The following ICE1 variants were observed in gnomAD, a reference collection of about 807,000 sequenced individuals.
ICE1 encodes interactor of little elongation complex ELL subunit 1.
In ICE1, 64 loss-of-function variants were observed where a neutral mutation model predicts 192.7. That is an observed-to-expected ratio of 0.33 (90% CI 0.27 to 0.41). ICE1 has a LOEUF of 0.41. ICE1 is among the 10% of genes least tolerant of loss of function. ICE1 has a pLI of 1.00. For missense variants in ICE1, 2,708 were observed against 2,696.0 expected (o/e 1.00, Z -0.10); for synonymous variants, 1,010 against 984.5 (o/e 1.03, Z -0.49).
At chr5:5,479,789 A>G (rs1258970933) in intron 17 of ICE1, among the ~76,000 whole-genome samples, 1 of 152,204 alleles carries the variant, frequency 6.6e-6, no homozygotes, top group African/African-American at 2.4e-5. Flanking sequence ...TGTCCTTTGC[A>G]GGGACATGGA....
chr5:5,488,679 A>T (rs1212484503), intron 18 of ICE1, among the ~76,000 whole-genome samples: 3 of 152,220 alleles, frequency 2.0e-5, no homozygotes, highest in Non-Finnish European at 4.4e-5. Context: ...GGTACGCTAC[A>T]AAAAGTTTTT....
chr5:5,441,940 G>T lies in ICE1; in HGVS notation c.309+717G>T, dbSNP rs148378952. On this transcript the variant is annotated intron_variant, in intron 5 of 18. Coordinates refer to ENST00000296564, the MANE Select transcript of ICE1 (RefSeq NM_015325.3). ...TTTTATAAGTAAGCGTTCAGGTTAG[G>T]GGTTATTTCTTTTAGGGCATGTTCG... Among the ~76,000 whole-genome samples, 27 of 152,240 alleles carry T rather than the reference G, an allele frequency of 1.8e-4. 1 individual carries two copies. Among genetic ancestry groups the T allele is most frequent in the African/African-American group, 6.5e-4 (27 of 41,534 alleles).
intron 1 of ICE1, among the ~76,000 whole-genome samples, chr5:5,424,161 A>G (rs1250144082): frequency 6.6e-6 from 1 of 152,172 alleles, no homozygotes; most frequent in Admixed American, 6.5e-5. Flanking sequence ...GTGCACACGG[A>G]AGATGGTTGA....
chr5:5,483,721 T>C (rs1421724762), intron 17 of ICE1, among the ~76,000 whole-genome samples: 3 of 152,208 alleles, frequency 2.0e-5, no homozygotes, highest in African/African-American at 7.2e-5. Context: ...AAAGAGCTTA[T>C]AAAATCCTGA....
rs1384924334 is a variant in ICE1 at position 5,422,699 on chromosome 5, C to G, written c.-217C>G. On this transcript the variant is annotated 5_prime_UTR_variant, in exon 1 of 19. Coordinates refer to ENST00000296564, the MANE Select transcript of ICE1 (RefSeq NM_015325.3). ...ACTGGACTGCGTCGCGCTCGGGGGC[C>G]GCGCCGGGTAGCGTTTCTTTTTAGT... is the stretch of plus-strand genomic sequence containing the variant. 5.8e-6 allele frequency: 2 copies of G among 343,426 alleles called. No homozygotes were observed. Among genetic ancestry groups the G allele is most frequent in the Admixed American group, 9.6e-5 (2 of 20,748 alleles). 21.3% of individuals were successfully genotyped at this position (343,426 alleles called of 1,614,324 possible). A position where few individuals can be genotyped will look rare whatever the true frequency, so the allele number is the denominator to read the frequency against.
chr5:5,431,385 G>T (rs1737705874), intron 1 of ICE1, among the ~76,000 whole-genome samples: 1 of 151,954 alleles, frequency 6.6e-6, no homozygotes, highest in Non-Finnish European at 1.5e-5. Context: ...CGAGCTTTGG[G>T]GCCTACTGTC....
chr5:5,468,524 A>G (rs1739058821), intron 14 of ICE1, among the ~76,000 whole-genome samples: 1 of 152,282 alleles, frequency 6.6e-6, no homozygotes, highest in African/African-American at 2.4e-5. Context: ...TTCAATGAGT[A>G]AATGTAATGC....
At chr5:5,434,901 G>A (rs1737825045) in intron 1 of ICE1, among the ~76,000 whole-genome samples, 2 of 152,120 alleles carry the variant, frequency 1.3e-5, no homozygotes. Flanking sequence ...GGTGGAATAC[G>A]TTTTTTAAAA....
At chr5:5,485,025 A>G (rs1320677242) in intron 17 of ICE1, among the ~76,000 whole-genome samples, 2 of 151,924 alleles carry the variant, frequency 1.3e-5, no homozygotes, top group Non-Finnish European at 2.9e-5. Flanking sequence ...GAAGGCTGCG[A>G]GTGTAGGGGA....
intron 4 of ICE1, among the ~76,000 whole-genome samples, chr5:5,440,310 G>A (rs1041864220): frequency 3.3e-5 from 5 of 152,170 alleles, no homozygotes; most frequent in African/African-American, 1.2e-4. Context: ...TTCATTCTCT[G>A]ATTGGATTCA....
intron 10 of ICE1, among the ~76,000 whole-genome samples, chr5:5,449,935 CT>C (rs1288293464): frequency 2.0e-5 from 3 of 152,194 alleles, no homozygotes; most frequent in Admixed American, 6.5e-5. Context: ...ACTGCGTCCA[CT>C]TTCCACTGCT....
chr5:5,424,685 T>A (rs202122247), intron 1 of ICE1, among the ~76,000 whole-genome samples: 2 of 152,154 alleles, frequency 1.3e-5, no homozygotes, highest in African/African-American at 2.4e-5. Flanking sequence ...CAGTGGCTGT[T>A]GGAATTTAAG....
chr5:5,473,943 G>T (rs963301319), intron 16 of ICE1, among the ~76,000 whole-genome samples, 195 bp downstream of exon 16: 3 of 152,100 alleles, frequency 2.0e-5, no homozygotes, highest in Non-Finnish European at 4.4e-5. Flanking sequence ...GGGCATGGTG[G>T]CTCACGCCTG....
At position 5,443,977 on chromosome 5, in the gene ICE1, G is replaced by C. The variant is rs529389602; in HGVS notation, c.387-312G>C. ...TCATTAGACTCTGGACTGACTCTTA[G>C]AGACCATCTAGAAACTTCAGCTAGT... On this transcript the variant is annotated intron_variant, in intron 6 of 18. Coordinates refer to ENST00000296564, the MANE Select transcript of ICE1 (RefSeq NM_015325.3). Among the ~76,000 whole-genome samples, 8 of 152,248 alleles carry C rather than the reference G, an allele frequency of 5.3e-5. No homozygotes were observed. In the East Asian group the frequency reaches 1.5e-3, roughly 29 times the overall value.
chr5:5,432,270 T>G (rs1245943932), intron 1 of ICE1, among the ~76,000 whole-genome samples: 1 of 152,222 alleles, frequency 6.6e-6, no homozygotes, highest in Non-Finnish European at 1.5e-5. Flanking sequence ...TTCATATGAA[T>G]GGACTCTAGA....
At chr5:5,426,112 GA>G (rs1213067571) in intron 1 of ICE1, among the ~76,000 whole-genome samples, 1 of 152,202 alleles carries the variant, frequency 6.6e-6, no homozygotes, top group Admixed American at 6.5e-5. Flanking sequence ...ATCCCTCAAG[GA>G]AATAGCAGGC....
intron 13 of ICE1, among the ~76,000 whole-genome samples, chr5:5,465,528 T>A (rs1432776190): frequency 6.6e-6 from 1 of 152,238 alleles, no homozygotes; most frequent in Non-Finnish European, 1.5e-5. Context: ...CTTAAAATTA[T>A]TTTCTTCAAA....
At chr5:5,426,080 A>G (rs761906146) in intron 1 of ICE1, among the ~76,000 whole-genome samples, 1 of 152,274 alleles carries the variant, frequency 6.6e-6, no homozygotes, top group Admixed American at 6.5e-5. Context: ...TGTGGAACAC[A>G]GTGCTTCCAA....
At chr5:5,437,027 T>C (rs1392940177) in intron 2 of ICE1, 53 bp from the exon 3 acceptor site, 1 of 1,108,234 alleles carries the variant, frequency 9.0e-7, no homozygotes, top group African/African-American at 1.6e-5. Flanking sequence ...AATTTTAACA[T>C]AGTATATTTT....
Sources: allele counts gnomAD v4.1 joint callset (sites outside exome capture counted in the v4.1 genomes callset), GRCh38; gene constraint gnomAD v4.1.1; transcripts MANE v1.5; gene names NCBI Gene and HGNC (gene_info 2026-07-23, HGNC 2026-07-21).